OGT: variants seen among roughly 807,000 people sequenced by gnomAD.
OGT encodes UDP-N-acetylglucosamine--peptide N-acetylglucosaminyltransferase 110 kDa subunit.
Under a neutral mutation model 75.8 loss-of-function variants are expected in OGT, and 3 were observed. That is an observed-to-expected ratio of 0.04 (90% confidence interval 0.02 to 0.10). The LOEUF is 0.10. OGT is among the 10% of genes least tolerant of loss of function. The pLI, the probability that OGT is intolerant of heterozygous loss-of-function variation, is 1.00. For synonymous variants in OGT, 257 were observed against 289.7 expected, an observed-to-expected ratio of 0.89 and a Z score of 1.15; for missense variants, 260 against 824.4, an observed-to-expected ratio of 0.32 and a Z score of 8.38.
At chrX:71,533,361 G>T in intron 1 of OGT, 25 bp downstream of exon 1, 2 of 1,178,169 alleles carry the variant, frequency 1.7e-6, no homozygotes, top group Non-Finnish European at 2.3e-6. Flanking sequence ...TTCTACCTTG[G>T]CAGATGCCCC....
At chrX:71,555,586 G>T (rs2040337330) in intron 7 of OGT, among the ~76,000 whole-genome samples, 1 of 111,803 alleles carries the variant, frequency 8.9e-6, no homozygotes, top group Non-Finnish European at 1.9e-5. Context: ...GCCGGGCATG[G>T]TGGCACACAC....
At chrX:71,573,114 T>C (rs1472847714) in intron 21 of OGT, among the ~76,000 whole-genome samples, 1 of 112,559 alleles carries the variant, frequency 8.9e-6, no homozygotes, top group Non-Finnish European at 1.9e-5. Context: ...TCATCTTATG[T>C]TTATGCTTTA....
intron 21 of OGT, among the ~76,000 whole-genome samples, chrX:71,571,654 C>T (rs2040459040): frequency 8.9e-6 from 1 of 112,548 alleles, no homozygotes; most frequent in African/African-American, 3.2e-5. Flanking sequence ...CTGCCTTGGC[C>T]TCCTGAAGTG....
Position 71,555,520 on chromosome X carries a change from G to A in OGT, c.924+135G>A, listed in dbSNP as rs2040336772. The A allele has an allele frequency of 5.3e-6, 3 of 568,596 alleles. No homozygotes were observed. The South Asian group carries it at 9.4e-5, about 18-fold the overall frequency. The allele number at this position is 568,596 out of a possible 1,213,427, so 46.9% of individuals were successfully genotyped here. On this transcript the variant is annotated intron_variant, in intron 7 of 21. Transcript: ENST00000373719. ...GAGGATTGCTTGAGCTTAGGGTTTCGAGACCAGCCTAGGCAACATGACGAA... is the reference window on the plus strand; with the variant it reads ...GAGGATTGCTTGAGCTTAGGGTTTCAAGACCAGCCTAGGCAACATGACGAA...
intron 21 of OGT, among the ~76,000 whole-genome samples, chrX:71,569,111 C>T (rs192096551): frequency 9.0e-6 from 1 of 111,362 alleles, no homozygotes; most frequent in African/African-American, 3.3e-5. Flanking sequence ...GGGCGGATCA[C>T]GAGGTCAGGA....
intron 21 of OGT, among the ~76,000 whole-genome samples, chrX:71,568,588 G>A (rs762375225): frequency 1.8e-3 from 205 of 111,903 alleles, no homozygotes; most frequent in Non-Finnish European, 3.0e-3. Flanking sequence ...AGCACTTTGG[G>A]AGGCTTAGGC....
chrX:71,538,832 T>G (rs2040198009), intron 3 of OGT, among the ~76,000 whole-genome samples: 1 of 112,198 alleles, frequency 8.9e-6, no homozygotes, highest in African/African-American at 3.2e-5. Context: ...TTGTCAACAT[T>G]CAGTTTTGTA....
At position 71,573,788 on chromosome X, in the gene OGT, A is replaced by G; in HGVS notation, c.3135A>G (p.Ser1045=). ...HMIKPVEVTE[S]A Reference sequence around the variant, plus strand: ...TTAAGCCTGTTGAAGTCACTGAGTCAGCATAAATAAAGACTGCACAGGAGA... The same window carrying G: ...TTAAGCCTGTTGAAGTCACTGAGTCGGCATAAATAAAGACTGCACAGGAGA... The change falls in exon 22 of 22, where the codon TCA becomes TCG. Residue 1045 remains serine (S), a synonymous_variant. Transcript: ENST00000373719. 1 of 1,195,406 alleles carries G rather than the reference A, an allele frequency of 8.4e-7. No individual in the cohort carries two copies.
chrX:71,546,068 T>C (rs1026771540), intron 4 of OGT: 1 of 547,610 alleles, frequency 1.8e-6, no homozygotes, highest in Non-Finnish European at 2.2e-6. Flanking sequence ...ATTTGAAAAT[T>C]CAAGCCAGCA....
chrX:71,559,320 T>C lies in OGT; in HGVS notation c.1656T>C (p.Ser552=). The part of the protein sequence containing the change: ...PYEHPKDLKL[S]DGRLRVGYVS... ...AACATCCAAAAGACTTGAAGCTCAGTGATGGTCGGCTGCGTGTAGGATATG... is the reference window on the plus strand; with the variant it reads ...AACATCCAAAAGACTTGAAGCTCAGCGATGGTCGGCTGCGTGTAGGATATG... The change falls in exon 13 of 22, where the codon AGT becomes AGC. Residue 552 remains serine, a synonymous_variant. Coordinates refer to ENST00000373719, the MANE Select transcript of OGT (RefSeq NM_181672.3). 1 of 1,210,506 alleles carries C rather than the reference T, an allele frequency of 8.3e-7. No individual in the cohort carries two copies. The highest frequency in any genetic ancestry group is 1.1e-6 in the Non-Finnish European group (1 of 894,451).
chrX:71,540,333 C>A (rs772304314), intron 3 of OGT, among the ~76,000 whole-genome samples: 1 of 112,216 alleles, frequency 8.9e-6, no homozygotes, highest in East Asian at 2.8e-4. Flanking sequence ...TCCTTATGTT[C>A]TTGTTGACAG....
In OGT at chrX:71,574,459, C is replaced by T. The variant is rs1035028391; in HGVS notation, c.*665C>T. ...GGTCCATTTCCCATTTCCTTTTCTTCCCTGACCCCCATACCCTCACCCTTA... is the reference window on the plus strand; with the variant it reads ...GGTCCATTTCCCATTTCCTTTTCTTTCCTGACCCCCATACCCTCACCCTTA... On this transcript the variant is annotated 3_prime_UTR_variant, in exon 22 of 22. Transcript: ENST00000373719. 8 of 110,461 alleles carry T rather than the reference C, an allele frequency of 7.2e-5. No homozygotes were observed. Among genetic ancestry groups the T allele is most frequent in the African/African-American group, 2.6e-4 (8 of 30,231 alleles). The allele number at this position is 110,461 out of a possible 1,213,427, so 9.1% of individuals were successfully genotyped here.
chrX:71,573,574 T>G (rs373023445), intron 21 of OGT, 46 bp from the exon 22 acceptor site: 31 of 1,117,127 alleles, frequency 2.8e-5, no homozygotes, highest in Non-Finnish European at 3.6e-5. Flanking sequence ...TGTTTCTGAG[T>G]TTCTGCTCTG....
In OGT at chrX:71,538,077, G is replaced by GT. The variant is rs1390112363; in HGVS notation, c.462+6dup. On this transcript the variant is annotated splice_donor_region_variant and intron_variant, in intron 3 of 21. Coordinates refer to ENST00000373719, the MANE Select transcript of OGT (RefSeq NM_181672.3). ...TCTGCTCTTCAGTACAATCCTGTGAGTAAAATTTTAATGGTTACTTTCCCT... is the reference window on the plus strand; with the variant it reads ...TCTGCTCTTCAGTACAATCCTGTGAGTTAAAATTTTAATGGTTACTTTCCCT... The GT allele has an allele frequency of 4.2e-6, 5 of 1,201,177 alleles. No homozygotes were observed. The highest frequency in any genetic ancestry group is 1.8e-5 in the African/African-American group (1 of 57,057).
At chrX:71,545,390 T>A (rs2040252345) in intron 4 of OGT, 1 of 112,806 alleles carries the variant, frequency 8.9e-6, no homozygotes, top group Non-Finnish European at 1.9e-5. Flanking sequence ...GCTTTTAGCA[T>A]TCTGTGTTTC....
At chrX:71,549,402 C>T (rs1298085769) in intron 5 of OGT, among the ~76,000 whole-genome samples, 5 of 108,150 alleles carry the variant, frequency 4.6e-5, no homozygotes, top group African/African-American at 1.4e-4. Context: ...ATGGGTGTAT[C>T]GGGACATAAC....
At chrX:71,542,616 CATT>C (rs894332692) in intron 3 of OGT, among the ~76,000 whole-genome samples, 1 of 111,567 alleles carries the variant, frequency 9.0e-6, no homozygotes, top group African/African-American at 3.3e-5. Context: ...CCATTACAGT[CATT>C]GTTGGAGAAT....
At chrX:71,536,816 T>C (rs1245067363) in intron 2 of OGT, among the ~76,000 whole-genome samples, 1 of 111,478 alleles carries the variant, frequency 9.0e-6, no homozygotes, top group African/African-American at 3.3e-5. Context: ...AAGGGAAGAA[T>C]TTGTGTTCCT....
chrX:71,535,948 T>C (rs2147666602), intron 1 of OGT, among the ~76,000 whole-genome samples: 1 of 112,201 alleles, frequency 8.9e-6, no homozygotes, highest in South Asian at 3.7e-4. Context: ...TAAATATTCC[T>C]TTCTAGTTTG....
Sources: gnomAD v4.1 joint callset for allele counts (sites outside exome capture counted in the v4.1 genomes callset) on GRCh38, gnomAD v4.1.1 for gene constraint, MANE v1.5 for transcripts, NCBI Gene and HGNC (gene_info 2026-07-23, HGNC 2026-07-21) for gene names.